The following SNX5 variants were observed in gnomAD, a reference collection of about 807,000 sequenced individuals.
SNX5 encodes sorting nexin 5.
A neutral mutation model predicts 53.9 loss-of-function variants in SNX5; 31 were observed. That is an observed-to-expected ratio of 0.58 (90% CI 0.43 to 0.78). SNX5 has a LOEUF of 0.78. Ranked by LOEUF, SNX5 falls within the 30% of genes least tolerant of loss-of-function variation. The pLI, the probability that SNX5 is intolerant of heterozygous loss-of-function variation, is 0.00. For synonymous variants in SNX5, 168 were observed against 171.1 expected (o/e 0.98, Z 0.14); for missense variants, 471 against 478.8 (o/e 0.98, Z 0.15).
Position 17,956,689 on chromosome 20 carries a change from A to C in SNX5, c.156+244T>G, listed in dbSNP as rs1304983809. On this transcript the variant is annotated intron_variant, in intron 2 of 12. Transcript: ENST00000377759. The stretch of plus-strand genomic sequence containing the variant: ...GACTGTCTCCAAAAAAAAAAAAAAA[A>C]AAAAAAAAAAAAAAACAAAAAAACA... 7.4e-4 allele frequency among the ~76,000 whole-genome samples: 108 copies of C among 145,566 alleles called. 1 individual carries two copies. The highest frequency in any genetic ancestry group is 1.1e-3 in the Non-Finnish European group (74 of 66,774).
intron 2 of SNX5, among the ~76,000 whole-genome samples, chr20:17,956,704 A>AAAAAC (rs1568594187): frequency 8.9e-6 from 1 of 112,868 alleles, no homozygotes; most frequent in Admixed American, 9.1e-5. Flanking sequence ...AAAAAAAAAA[A>AAAAAC]CAAAAAAACA....
At position 17,957,053 on chromosome 20, in the gene SNX5, T is replaced by C. The variant is rs763293721; in HGVS notation, c.52-16A>G. 4 of 1,443,596 alleles carry C rather than the reference T, an allele frequency of 2.8e-6. No homozygotes were observed. The highest frequency in any genetic ancestry group is 1.7e-5 in the Admixed American group (1 of 59,746). 89.4% of individuals were successfully genotyped at this position (1,443,596 alleles called of 1,614,324 possible). On this transcript the variant is annotated splice_polypyrimidine_tract_variant and intron_variant, in intron 1 of 12. Coordinates refer to ENST00000377759, the MANE Select transcript of SNX5 (RefSeq NM_014426.4). The stretch of plus-strand genomic sequence containing the variant: ...CAGATCTCAGCTGAAATACATTTTT[T>C]GCGTATTAGTTTCAAACTCATTTGG...
chr20:17,957,204 G>A (rs1251894254), intron 1 of SNX5, among the ~76,000 whole-genome samples, 167 bp from the exon 2 acceptor site: 2 of 152,122 alleles, frequency 1.3e-5, no homozygotes, highest in Non-Finnish European at 2.9e-5. Flanking sequence ...GGGAGGCCAA[G>A]GCGGGTGGTT....
chr20:17,948,744 A>C, intron 10 of SNX5, 146 bp downstream of exon 10: 1 of 659,906 alleles, frequency 1.5e-6, no homozygotes, highest in South Asian at 1.9e-5. Context: ...CAGATACACA[A>C]GCTTTATGGA....
At chr20:17,960,867 A>C (rs746351139) in intron 1 of SNX5, among the ~76,000 whole-genome samples, 3 of 152,142 alleles carry the variant, frequency 2.0e-5, no homozygotes, top group Non-Finnish European at 4.4e-5. Context: ...ATTTTTAAAA[A>C]ATTTTTAAAA....
At position 17,947,651 on chromosome 20, in the gene SNX5, A is replaced by G. The variant is rs1038774733; in HGVS notation, c.919-6T>C. 8 of 1,606,488 alleles carry G rather than the reference A, an allele frequency of 5.0e-6. No individual in the cohort carries two copies. The highest frequency in any genetic ancestry group is 5.9e-6 in the Non-Finnish European group (7 of 1,177,288). ...GTGCGTCTGTATAAGAGATCCTGGGAAAAAAATTAACAGGTATACATACTA... is the reference window on the plus strand; with the variant it reads ...GTGCGTCTGTATAAGAGATCCTGGGGAAAAAATTAACAGGTATACATACTA... On this transcript the variant is annotated splice_region_variant and splice_polypyrimidine_tract_variant and intron_variant, in intron 10 of 12. Coordinates refer to ENST00000377759, the MANE Select transcript of SNX5 (RefSeq NM_014426.4).
At chr20:17,966,067 C>T (rs1191812974) in intron 1 of SNX5, among the ~76,000 whole-genome samples, 3 of 152,066 alleles carry the variant, frequency 2.0e-5, no homozygotes, top group African/African-American at 7.2e-5. Context: ...GGTAAGAGGA[C>T]AGATATCATT....
At chr20:17,944,179 G>A (rs1270554996) in intron 11 of SNX5, 1 of 152,182 alleles carries the variant, frequency 6.6e-6, no homozygotes, top group African/African-American at 2.4e-5. Flanking sequence ...GTTATCAGAG[G>A]ATGAGGGTGG....
rs1208446646 is a variant in SNX5, at chr20:17,968,656, G to C, written c.-231C>G. 4 of 605,968 alleles carry C rather than the reference G, an allele frequency of 6.6e-6. No individual in the cohort carries two copies. Among genetic ancestry groups the C allele is most frequent in the South Asian group, 6.6e-5 (4 of 60,940 alleles). 37.5% of individuals were successfully genotyped at this position (605,968 alleles called of 1,614,324 possible). A position where few individuals can be genotyped will look rare whatever the true frequency, so the allele number is the denominator to read the frequency against. Reference sequence around the variant, plus strand: ...CCAGAGCAGCCTCCCAGTCCCCGCTGCCGTCCATCTTGGAGCCGGGCAAAG... The same window carrying C: ...CCAGAGCAGCCTCCCAGTCCCCGCTCCCGTCCATCTTGGAGCCGGGCAAAG... On this transcript the variant is annotated 5_prime_UTR_variant, in exon 1 of 13. Coordinates refer to ENST00000377759, the MANE Select transcript of SNX5 (RefSeq NM_014426.4).
chr20:17,960,158 T>A (rs1010188912), intron 1 of SNX5, among the ~76,000 whole-genome samples: 2 of 152,176 alleles, frequency 1.3e-5, no homozygotes, highest in African/African-American at 4.8e-5. Flanking sequence ...TCAAATAATT[T>A]AAGTTTTAAA....
At chr20:17,955,850 A>T (rs1014603105) in intron 2 of SNX5, among the ~76,000 whole-genome samples, 1 of 152,146 alleles carries the variant, frequency 6.6e-6, no homozygotes, top group Admixed American at 6.5e-5. Flanking sequence ...CAGTGGAATG[A>T]TCTTGGCTTC....
chr20:17,962,558 C>T (rs2035474265), intron 1 of SNX5, among the ~76,000 whole-genome samples: 1 of 144,022 alleles, frequency 6.9e-6, no homozygotes, highest in South Asian at 2.2e-4. Context: ...TTCTCCCCTT[C>T]CTGTAATTCA....
chr20:17,952,119 A>G (rs2039578964), intron 5 of SNX5, among the ~76,000 whole-genome samples: 1 of 152,174 alleles, frequency 6.6e-6, no homozygotes, highest in Non-Finnish European at 1.5e-5. Context: ...GCTACTCGGG[A>G]GGCTGAGGCA....
intron 1 of SNX5, among the ~76,000 whole-genome samples, chr20:17,967,260 T>C (rs1239246651): frequency 1.3e-5 from 2 of 152,142 alleles, no homozygotes; most frequent in East Asian, 3.8e-4. Flanking sequence ...TTATCTACCC[T>C]TTATGGAGAA....
intron 1 of SNX5, among the ~76,000 whole-genome samples, chr20:17,967,450 G>A (rs1600363381): frequency 1.3e-5 from 2 of 152,064 alleles, no homozygotes; most frequent in East Asian, 3.9e-4. Context: ...TGAAACTCTG[G>A]TATTTACTTA....
intron 1 of SNX5, among the ~76,000 whole-genome samples, chr20:17,966,949 T>C (rs538407947): frequency 4.5e-4 from 69 of 152,362 alleles, no homozygotes; most frequent in South Asian, 1.2e-3. Flanking sequence ...TTATTTTTAT[T>C]GTCTCTTTAT....
intron 1 of SNX5, 45 bp downstream of exon 1, chr20:17,968,330 T>C: frequency 8.0e-7 from 1 of 1,250,296 alleles, no homozygotes; most frequent in Non-Finnish European, 1.0e-6. Flanking sequence ...ACCCCGGAGC[T>C]CGCAGGGCCG....
In SNX5 at chr20:17,950,077, A is replaced by G. The variant is rs1220312206; in HGVS notation, c.791+55T>C. 2.7e-6 allele frequency: 4 copies of G among 1,476,306 alleles called. No homozygotes were observed. In the African/African-American group the frequency reaches 5.6e-5, roughly 21 times the overall value. The allele number at this position is 1,476,306 out of a possible 1,614,324, so 91.5% of individuals were successfully genotyped here. A position where few individuals can be genotyped will look rare whatever the true frequency, so the allele number is the denominator to read the frequency against. On this transcript the variant is annotated intron_variant, in intron 8 of 12. Coordinates refer to ENST00000377759, the MANE Select transcript of SNX5 (RefSeq NM_014426.4). Reference sequence around the variant, plus strand: ...ACTACTCATTTATGCTTTTAATTACACCACTCGGCACTCTTCAATTGGGTT... The same window carrying G: ...ACTACTCATTTATGCTTTTAATTACGCCACTCGGCACTCTTCAATTGGGTT...
At chr20:17,961,162 G>A (rs2035441836) in intron 1 of SNX5, 1 of 985,414 alleles carries the variant, frequency 1.0e-6, no homozygotes. Flanking sequence ...TTCCCAGCTG[G>A]GGCACATCAG....
Sources: gnomAD v4.1 joint callset for allele counts (sites outside exome capture counted in the v4.1 genomes callset) on GRCh38, gnomAD v4.1.1 for gene constraint, MANE v1.5 for transcripts, NCBI Gene and HGNC (gene_info 2026-07-23, HGNC 2026-07-21) for gene names.